MED27: variants seen among roughly 807,000 people sequenced by gnomAD.
The protein encoded by MED27 is mediator of RNA polymerase II transcription subunit 27.
A neutral mutation model predicts 38.2 loss-of-function variants in MED27; 30 were observed. That is an observed-to-expected ratio of 0.79 (90% CI 0.59 to 1.07). The LOEUF (loss-of-function observed/expected upper bound fraction) is 1.07, where lower values mean the gene tolerates loss of function less well. MED27 is among the 50% of genes least tolerant of loss of function. The pLI, the probability that MED27 is intolerant of heterozygous loss-of-function variation, is 0.00. For synonymous variants in MED27, 122 were observed against 153.5 expected (o/e 0.79, Z 1.52); for missense variants, 289 against 397.5 (o/e 0.73, Z 2.32).
At chr9:131,884,285 G>A (rs1839099854) in intron 5 of MED27, among the ~76,000 whole-genome samples, 186 bp from the exon 6 acceptor site, 1 of 152,104 alleles carries the variant, frequency 6.6e-6, no homozygotes, top group African/African-American at 2.4e-5. Context: ...CCATTTGTAG[G>A]CAAGTTAAGA....
At chr9:132,066,808 T>C (rs922261869) in intron 2 of MED27, among the ~76,000 whole-genome samples, 1 of 152,166 alleles carries the variant, frequency 6.6e-6, no homozygotes, top group Non-Finnish European at 1.5e-5. Flanking sequence ...TCCCTAAGAT[T>C]AGCACAGAGC....
At chr9:132,016,710 C>T (rs1832610345) in intron 2 of MED27, among the ~76,000 whole-genome samples, 1 of 152,184 alleles carries the variant, frequency 6.6e-6, no homozygotes, top group African/African-American at 2.4e-5. Flanking sequence ...TGGCTTTCCT[C>T]CTTTGTATTT....
chr9:131,993,670 T>C (rs891458364), intron 3 of MED27, among the ~76,000 whole-genome samples: 3 of 152,222 alleles, frequency 2.0e-5, no homozygotes, highest in Non-Finnish European at 2.9e-5. Context: ...CATCTCATCA[T>C]GACTAACTGA....
intron 2 of MED27, among the ~76,000 whole-genome samples, chr9:132,060,780 C>T (rs1833681287): frequency 6.6e-6 from 1 of 152,152 alleles, no homozygotes; most frequent in South Asian, 2.1e-4. Flanking sequence ...GAGATCCCGC[C>T]TCTACTAAAA....
intron 6 of MED27, among the ~76,000 whole-genome samples, chr9:131,863,939 G>A (rs1267854144): frequency 6.6e-6 from 1 of 152,136 alleles, no homozygotes; most frequent in African/African-American, 2.4e-5. Context: ...CAGGGTTTAA[G>A]CTCCAGCACC....
At chr9:132,004,861 C>A (rs1832323407) in intron 3 of MED27, among the ~76,000 whole-genome samples, 1 of 152,198 alleles carries the variant, frequency 6.6e-6, no homozygotes, top group Non-Finnish European at 1.5e-5. Flanking sequence ...GCCTTCAGGA[C>A]TCATTCATTC....
intron 4 of MED27, among the ~76,000 whole-genome samples, chr9:131,936,030 G>A (rs529221131): frequency 6.6e-6 from 1 of 151,886 alleles, no homozygotes; most frequent in African/African-American, 2.4e-5. Flanking sequence ...CTACTCAGGA[G>A]GCTGAGGTGG....
intron 4 of MED27, among the ~76,000 whole-genome samples, chr9:131,918,857 A>G (rs1004338971): frequency 6.6e-6 from 1 of 152,226 alleles, no homozygotes; most frequent in Non-Finnish European, 1.5e-5. Context: ...CAGAAAGCCT[A>G]CGGAGAACGG....
intron 2 of MED27, among the ~76,000 whole-genome samples, chr9:132,043,851 A>T (rs1171959551): frequency 1.3e-5 from 2 of 152,196 alleles, no homozygotes; most frequent in Non-Finnish European, 2.9e-5. Flanking sequence ...CAATGTGCAA[A>T]AGATGACATG....
At chr9:131,863,182 C>T (rs2131445783) in intron 6 of MED27, 42 bp from the exon 7 acceptor site, 1 of 1,565,626 alleles carries the variant, frequency 6.4e-7, no homozygotes, top group Non-Finnish European at 8.8e-7. Context: ...CCACTCCAAG[C>T]TGGCATAGAG....
At chr9:131,911,905 T>G (rs1477887177) in intron 4 of MED27, among the ~76,000 whole-genome samples, 1 of 152,156 alleles carries the variant, frequency 6.6e-6, no homozygotes, top group Non-Finnish European at 1.5e-5. Context: ...ATTGCCTTTC[T>G]CTCCTGGTCA....
intron 5 of MED27, among the ~76,000 whole-genome samples, chr9:131,887,051 C>T (rs1188496540): frequency 6.6e-6 from 1 of 152,100 alleles, no homozygotes; most frequent in Non-Finnish European, 1.5e-5. Flanking sequence ...ACCCTTCCTG[C>T]CTGCTTACAT....
chr9:132,021,487 A>G (rs1284565329), intron 2 of MED27, among the ~76,000 whole-genome samples: 3 of 152,222 alleles, frequency 2.0e-5, no homozygotes, highest in Non-Finnish European at 4.4e-5. Context: ...ATGAGCAGCT[A>G]AGAAAAGACA....
chr9:132,025,590 G>C (rs998296289), intron 2 of MED27, among the ~76,000 whole-genome samples: 1 of 152,208 alleles, frequency 6.6e-6, no homozygotes, highest in African/African-American at 2.4e-5. Flanking sequence ...ATATACAACA[G>C]AGGCCCTCTC....
chr9:132,000,021 C>T (rs1832185262), intron 3 of MED27, among the ~76,000 whole-genome samples: 1 of 151,906 alleles, frequency 6.6e-6, no homozygotes, highest in Non-Finnish European at 1.5e-5. Context: ...TACATTAAGG[C>T]ATTTTCAAAG....
intron 6 of MED27, among the ~76,000 whole-genome samples, chr9:131,882,487 T>G (rs1839065112): frequency 6.6e-6 from 1 of 152,256 alleles, no homozygotes; most frequent in Non-Finnish European, 1.5e-5. Flanking sequence ...AAAAGAGTCC[T>G]GTGCTTCCTG....
At chr9:131,953,160 A>T (rs1054209607) in intron 3 of MED27, among the ~76,000 whole-genome samples, 2 of 152,236 alleles carry the variant, frequency 1.3e-5, no homozygotes, top group African/African-American at 4.8e-5. Context: ...GGATGCGGCT[A>T]GTTTAGAAAT....
chr9:131,990,232 A>G (rs560004184), intron 3 of MED27, among the ~76,000 whole-genome samples: 41 of 152,102 alleles, frequency 2.7e-4, no homozygotes, highest in Non-Finnish European at 5.0e-4. Flanking sequence ...TTTTCTTCCC[A>G]TGATTGAGCC....
In MED27 at chr9:131,889,679, T is replaced by A. The variant is rs1839197335; in HGVS notation, c.681+4206A>T. Among the ~76,000 whole-genome samples, 1 of 152,150 alleles carries A rather than the reference T, an allele frequency of 6.6e-6. No individual in the cohort carries two copies. The highest frequency in any genetic ancestry group is 1.5e-5 in the Non-Finnish European group (1 of 68,030). ...AAGTGATAGCCTTGCTGGGCTGGAT[T>A]CTGATGGGGAAAAAACCTGCAAGGT... is the stretch of plus-strand genomic sequence containing the variant. On this transcript the variant is annotated intron_variant, in intron 5 of 7. Coordinates refer to ENST00000292035, the MANE Select transcript of MED27 (RefSeq NM_004269.4). This position sits in a 1 kb window ranked among gnomAD's most constrained non-coding sequence, Gnocchi z 4.2.
Sources: gnomAD v4.1 joint callset for allele counts (sites outside exome capture counted in the v4.1 genomes callset) on GRCh38, gnomAD v4.1.1 for gene constraint, Gnocchi (gnomAD v3.1) non-coding constraint, MANE v1.5 for transcripts, NCBI Gene and HGNC (gene_info 2026-07-23, HGNC 2026-07-21) for gene names.